The following SLC28A1 variants were observed in gnomAD, a reference collection of about 807,000 sequenced individuals.
SLC28A1 encodes solute carrier family 28 member 1, also known as sodium/nucleoside cotransporter 1.
Under a neutral mutation model 74.8 loss-of-function variants are expected in SLC28A1, and 64 were observed. The ratio of observed to expected loss-of-function variants is 0.86; its 90% CI spans 0.70 to 1.05. The LOEUF (loss-of-function observed/expected upper bound fraction) is 1.05, where lower values mean the gene tolerates loss of function less well. Ranked by LOEUF, SLC28A1 falls within the 50% of genes least tolerant of loss-of-function variation. The probability of loss-of-function intolerance (pLI) is 0.00; values close to 1 mark genes in which losing one functional copy is unlikely to be tolerated. For synonymous variants in SLC28A1, 359 were observed against 335.0 expected (o/e 1.07, Z -0.78); for missense variants, 828 against 822.8 (o/e 1.01, Z -0.08).
At chr15:84,943,602 T>C (rs939652806) in intron 16 of SLC28A1, 76 bp downstream of exon 16, 8 of 1,101,656 alleles carry the variant, frequency 7.3e-6, no homozygotes, top group Non-Finnish European at 9.8e-6. Context: ...TAGGCCTCAG[T>C]TGTCTCATTT....
the SLC28A1 span, among the ~76,000 whole-genome samples, chr15:84,967,787 T>C: frequency 2.6e-5 from 4 of 152,146 alleles, no homozygotes; most frequent in Admixed American, 2.0e-4. Context: ...TCACTGTTCC[T>C]GGAAATACTG....
At chr15:84,905,744 C>A (rs1018892289) in intron 8 of SLC28A1, 92 bp downstream of exon 8, 20 of 975,590 alleles carry the variant, frequency 2.1e-5, no homozygotes, top group Admixed American at 1.5e-4. Context: ...GGTGGTGAGG[C>A]CATAGAGAAG....
At chr15:84,971,269 T>A in the SLC28A1 span, among the ~76,000 whole-genome samples, 2 of 152,070 alleles carry the variant, frequency 1.3e-5, no homozygotes, top group South Asian at 4.1e-4. Context: ...TGATAAGGGG[T>A]GCCATAGTCT....
chr15:84,910,782 C>T (rs1450828030), intron 9 of SLC28A1, among the ~76,000 whole-genome samples: 3 of 152,144 alleles, frequency 2.0e-5, no homozygotes, highest in Non-Finnish European at 4.4e-5. Flanking sequence ...CTCTGCAGTT[C>T]AACCTCCCCA....
At chr15:84,956,691 G>T in the SLC28A1 span, among the ~76,000 whole-genome samples, 1 of 144,124 alleles carries the variant, frequency 6.9e-6, no homozygotes, top group Non-Finnish European at 1.5e-5. Flanking sequence ...TTTTAATAGA[G>T]ATAAGGTCTT....
rs1567172800 is a variant in SLC28A1 at position 84,928,607 on chromosome 15, CTTTCTTTCTTTTCTTTCTTTCTTT to C, written c.1083+4498_1084-4514del. On this transcript the variant is annotated intron_variant, in intron 12 of 18. Coordinates refer to ENST00000394573, the MANE Select transcript of SLC28A1 (RefSeq NM_004213.5). ...CTTTCTTTCTTTCTTTCTTTCTTTT[CTTTCTTTCTTTTCTTTCTTTCTTT>C]CTTTTTTTTTGAGACAGAGTCTCCC... Among the ~76,000 whole-genome samples the C allele has an allele frequency of 4.8e-3, 144 of 29,854 alleles. 31 individuals carry two copies. Among genetic ancestry groups the C allele is most frequent in the African/African-American group, 0.017 (86 of 4,986 alleles). The allele number at this position is 29,854 out of a possible 152,430, so 19.6% of individuals were successfully genotyped here.
chr15:84,911,135 C>T (rs1414729659), intron 9 of SLC28A1, among the ~76,000 whole-genome samples: 4 of 152,248 alleles, frequency 2.6e-5, no homozygotes, highest in South Asian at 2.1e-4. Context: ...CGCCTTCCCC[C>T]GCCCACCACT....
intron 12 of SLC28A1, among the ~76,000 whole-genome samples, chr15:84,928,336 C>T (rs990226031): frequency 6.6e-6 from 1 of 151,876 alleles, no homozygotes; most frequent in Non-Finnish European, 1.5e-5. Flanking sequence ...TCTGGGTCTG[C>T]CCCAGTCTTT....
At chr15:84,918,670 C>A in intron 10 of SLC28A1, 66 bp downstream of exon 10, 1 of 1,208,552 alleles carries the variant, frequency 8.3e-7, no homozygotes, top group Non-Finnish European at 1.2e-6. Flanking sequence ...TCACACTGTC[C>A]CAGAATGCCT....
At chr15:84,943,689 G>T (rs1596368836) in intron 16 of SLC28A1, among the ~76,000 whole-genome samples, 163 bp downstream of exon 16, 1 of 152,196 alleles carries the variant, frequency 6.6e-6, no homozygotes, top group Admixed American at 6.5e-5. Context: ...AGCACTTTGG[G>T]AGGCCCAGGT....
At chr15:84,957,370 G>C in the SLC28A1 span, among the ~76,000 whole-genome samples, 3 of 152,144 alleles carry the variant, frequency 2.0e-5, no homozygotes, top group African/African-American at 7.2e-5. Context: ...GGGTTCAAGC[G>C]ATTCTTGTGC....
intron 13 of SLC28A1, among the ~76,000 whole-genome samples, chr15:84,934,732 A>C (rs1971682932): frequency 6.6e-6 from 1 of 152,160 alleles, no homozygotes; most frequent in South Asian, 2.1e-4. Flanking sequence ...GGTATTTTGC[A>C]TTTTTTGGTA....
chr15:84,944,473 G>A (rs1188308392), intron 16 of SLC28A1, 93 bp from the exon 17 acceptor site: 1 of 822,470 alleles, frequency 1.2e-6, no homozygotes, highest in Non-Finnish European at 2.1e-6. Context: ...TAATAGAAGA[G>A]GAAGGGAGGT....
chr15:84,960,439 G>A, the SLC28A1 span, among the ~76,000 whole-genome samples: 1 of 151,844 alleles, frequency 6.6e-6, no homozygotes, highest in East Asian at 1.9e-4. Flanking sequence ...TGCATTTTTA[G>A]TAGAAACAGG....
intron 9 of SLC28A1, among the ~76,000 whole-genome samples, chr15:84,916,111 C>T (rs1165477293): frequency 1.3e-5 from 2 of 151,768 alleles, no homozygotes; most frequent in African/African-American, 4.8e-5. Context: ...TACAGGCACC[C>T]GCCACTACCC....
the SLC28A1 span, among the ~76,000 whole-genome samples, chr15:84,961,240 G>T: frequency 6.6e-6 from 1 of 152,146 alleles, no homozygotes. Flanking sequence ...TCAGAAAGGG[G>T]CTTCTCTTTT....
the SLC28A1 span, among the ~76,000 whole-genome samples, chr15:84,969,137 C>T: frequency 1.2e-4 from 19 of 152,340 alleles, no homozygotes; most frequent in African/African-American, 4.1e-4. Flanking sequence ...ACAGCTGGCT[C>T]TGTGGCTGAG....
Position 84,945,243 on chromosome 15 carries a change from T to TC in SLC28A1, c.*48dup, listed in dbSNP as rs1405085864. ...GCTTCTGCGCTTCTGAGGGCTGTTC[T>TC]CCCCCGGGAACCATCTGTCCCCACC... is the stretch of plus-strand genomic sequence containing the variant. On this transcript the variant is annotated 3_prime_UTR_variant, in exon 19 of 19. Coordinates refer to ENST00000394573, the MANE Select transcript of SLC28A1 (RefSeq NM_004213.5). The TC allele has an allele frequency of 2.5e-6, 4 of 1,576,630 alleles. No homozygotes were observed. Among genetic ancestry groups the TC allele is most frequent in the Admixed American group, 1.7e-5 (1 of 59,850 alleles).
At chr15:84,933,549 C>T (rs368721923) in intron 13 of SLC28A1, among the ~76,000 whole-genome samples, 8 of 152,286 alleles carry the variant, frequency 5.3e-5, no homozygotes, top group South Asian at 4.1e-4. Context: ...TTGTATCTGG[C>T]GAGAGCCTTC....
Sources: allele counts gnomAD v4.1 joint callset (sites outside exome capture counted in the v4.1 genomes callset), GRCh38; gene constraint gnomAD v4.1.1; transcripts MANE v1.5; gene names NCBI Gene and HGNC (gene_info 2026-07-23, HGNC 2026-07-21).